Variants in METTL8 observed in about 807,000 individuals in gnomAD.
METTL8 encodes the protein methyltransferase 8, tRNA N3-cytidine, also known as tRNA N(3)-cytidine methyltransferase METTL8, mitochondrial.
In METTL8, 32 loss-of-function variants were observed where a neutral mutation model predicts 48.7. That is an observed-to-expected ratio of 0.66 (90% confidence interval 0.50 to 0.88). The LOEUF (loss-of-function observed/expected upper bound fraction) is 0.88. Ranked by LOEUF, METTL8 falls within the 40% of genes least tolerant of loss-of-function variation. The probability of loss-of-function intolerance (pLI) is 0.00; values close to 1 mark genes in which losing one functional copy is unlikely to be tolerated. For synonymous variants in METTL8, 136 were observed against 157.1 expected (o/e 0.87, Z 1.01); for missense variants, 464 against 474.4 (o/e 0.98, Z 0.20).
In METTL8 at chr2:171,317,245, A is replaced by G. The variant is rs866429073; in HGVS notation, c.*6927T>C. 2.0e-5 allele frequency among the ~76,000 whole-genome samples: 3 copies of G among 152,324 alleles called. No individual in the cohort carries two copies. Among genetic ancestry groups the G allele is most frequent in the African/African-American group, 7.2e-5 (3 of 41,570 alleles). ...GAAACAACCAACACTTGATATATAA[A>G]GGTTAACTGAGGAAAAAATTAATTT... On this transcript the variant is annotated 3_prime_UTR_variant, in exon 10 of 10. Transcript: ENST00000375258.
chr2:171,363,788 A>C (rs1024246729), intron 2 of METTL8, among the ~76,000 whole-genome samples: 5 of 112,064 alleles, frequency 4.5e-5, no homozygotes, highest in African/African-American at 1.4e-4. Context: ...TACATCCCCA[A>C]ATTTTATATA....
chr2:171,326,332 T>C, intron 7 of METTL8, 184 bp from the exon 8 acceptor site: 1 of 537,102 alleles, frequency 1.9e-6, no homozygotes, highest in South Asian at 2.9e-5. Context: ...ACCAACTTGC[T>C]AAATGACTAG....
At chr2:171,346,021 G>GT (rs905276265) in intron 3 of METTL8, among the ~76,000 whole-genome samples, 2 of 151,922 alleles carry the variant, frequency 1.3e-5, no homozygotes, top group African/African-American at 2.4e-5. Flanking sequence ...TGGATCTATA[G>GT]TTTTTTTGTT....
intron 3 of METTL8, among the ~76,000 whole-genome samples, chr2:171,353,790 T>C (rs1256802461): frequency 6.6e-6 from 1 of 152,210 alleles, no homozygotes; most frequent in Non-Finnish European, 1.5e-5. Flanking sequence ...ACCCCTGCTT[T>C]TTTTTGTTTT....
intron 1 of METTL8, among the ~76,000 whole-genome samples, chr2:171,416,335 T>TA: frequency 6.6e-6 from 1 of 152,290 alleles, no homozygotes; most frequent in East Asian, 1.9e-4. Flanking sequence ...ATCACAGGGA[T>TA]TCACCTTTGT....
chr2:171,330,647 A>G lies in METTL8; in HGVS notation c.772T>C (p.Cys258Arg), dbSNP rs1343756171. ...TQCFAFVHDV[C>R]DDGLPYPFPD... The stretch of plus-strand genomic sequence containing the variant: ...AAAGGGTAAGGTAAGCCATCATCAC[A>G]TACATCATGAACAAAGGCAAAACAC... The change falls in exon 7 of 10, where the codon TGT becomes CGT. Residue 258 changes from cysteine to arginine, a missense_variant. Transcript: ENST00000375258. 17 of 1,613,552 alleles carry G rather than the reference A, an allele frequency of 1.1e-5. No homozygotes were observed. Among genetic ancestry groups the G allele is most frequent in the African/African-American group, 1.3e-5 (1 of 74,924 alleles).
rs1209310087 is a variant in METTL8, at chr2:171,316,867, C to A, written c.*7305G>T. ...TTCAGGCAATTTTCAGTGCGAGTGC[C>A]AAATGCTGCTTAGGGGGATATGTCT... On this transcript the variant is annotated 3_prime_UTR_variant, in exon 10 of 10. Transcript: ENST00000375258. Among the ~76,000 whole-genome samples the A allele has an allele frequency of 6.6e-6, 1 of 152,174 alleles. No homozygotes were observed.
chr2:171,335,479 C>T (rs939753230), intron 5 of METTL8, among the ~76,000 whole-genome samples: 1 of 152,106 alleles, frequency 6.6e-6, no homozygotes. Context: ...GGCTGGAGTG[C>T]AGTAGTGCGA....
Position 171,361,296 on chromosome 2 carries a change from T to G in METTL8, c.144-783A>C, listed in dbSNP as rs551872919. Among the ~76,000 whole-genome samples, 3 of 152,162 alleles carry G rather than the reference T, an allele frequency of 2.0e-5. No individual in the cohort carries two copies. The East Asian group carries it at 5.8e-4, about 29-fold the overall frequency. ...AGGTTAGACTATAAGCAAAGCAATT[T>G]CCTGGAATAAACCAGGAATAATTTT... On this transcript the variant is annotated intron_variant, in intron 2 of 9. Coordinates refer to ENST00000375258, the MANE Select transcript of METTL8 (RefSeq NM_001321154.2).
In METTL8 at chr2:171,320,932, CTAGAAGTCAT is replaced by C. The variant is rs1321027213; in HGVS notation, c.*3230_*3239del. ...ATCTCAGATGGCTCCAGTTCAGAGACTAGAAGTCATACACCTGCTAGTCTAGGTTATCTAC... is the reference window on the plus strand; with the variant it reads ...ATCTCAGATGGCTCCAGTTCAGAGACACACCTGCTAGTCTAGGTTATCTAC... On this transcript the variant is annotated 3_prime_UTR_variant, in exon 10 of 10. Transcript: ENST00000375258. 1.3e-5 allele frequency: 2 copies of C among 152,200 alleles called. No homozygotes were observed. Among genetic ancestry groups the C allele is most frequent in the African/African-American group, 4.8e-5 (2 of 41,428 alleles). The allele number at this position is 152,200 out of a possible 1,614,324, so 9.4% of individuals were successfully genotyped here. A position where few individuals can be genotyped will look rare whatever the true frequency, so the allele number is the denominator to read the frequency against.
chr2:171,356,950 A>ATTTTTTTTTTTTT (rs1202277226), intron 3 of METTL8, among the ~76,000 whole-genome samples: 19 of 4,752 alleles, frequency 4.0e-3, no homozygotes, highest in African/African-American at 5.3e-3. Context: ...TTCAAAGACA[A>ATTTTTTTTTTTTT]TATTTTTTTT....
intron 1 of METTL8, among the ~76,000 whole-genome samples, chr2:171,421,584 C>T (rs1691885259): frequency 6.6e-6 from 1 of 152,136 alleles, no homozygotes; most frequent in Admixed American, 6.6e-5. Flanking sequence ...TAAAACTTCA[C>T]TGAGCCACTA....
At chr2:171,422,123 AC>A (rs753408364) in intron 1 of METTL8, among the ~76,000 whole-genome samples, 2 of 152,158 alleles carry the variant, frequency 1.3e-5, no homozygotes, top group African/African-American at 2.4e-5. Context: ...GTCACTTATC[AC>A]CCCAGGGACA....
At chr2:171,346,984 G>C (rs531980179) in intron 3 of METTL8, among the ~76,000 whole-genome samples, 1 of 152,204 alleles carries the variant, frequency 6.6e-6, no homozygotes, top group African/African-American at 2.4e-5. Flanking sequence ...CCTCCGGGTA[G>C]CCTCAGTTAT....
At chr2:171,425,729 G>T (rs967813999) in intron 1 of METTL8, among the ~76,000 whole-genome samples, 1 of 152,210 alleles carries the variant, frequency 6.6e-6, no homozygotes, top group Non-Finnish European at 1.5e-5. Flanking sequence ...AGAATTTGAG[G>T]TAATGAATGG....
chr2:171,430,086 G>A (rs903483315), intron 1 of METTL8, among the ~76,000 whole-genome samples: 22 of 151,592 alleles, frequency 1.5e-4, no homozygotes, highest in African/African-American at 4.1e-4. Flanking sequence ...GGCCAGGAAC[G>A]GTAGCTCATG....
At chr2:171,333,688 G>A (rs1685780425) in intron 5 of METTL8, among the ~76,000 whole-genome samples, 1 of 152,144 alleles carries the variant, frequency 6.6e-6, no homozygotes, top group Non-Finnish European at 1.5e-5. Flanking sequence ...TTTGCTGGGT[G>A]TTTGAAATGT....
At chr2:171,414,976 C>G (rs1197376425) in intron 1 of METTL8, among the ~76,000 whole-genome samples, 2 of 152,154 alleles carry the variant, frequency 1.3e-5, no homozygotes, top group African/African-American at 4.8e-5. Context: ...CTCACATTCT[C>G]TCTCTTGCCT....
rs1219995037 is a variant in METTL8 at position 171,324,202 on chromosome 2, A to G, written c.1194T>C (p.Asn398=). 1 of 1,549,630 alleles carries G rather than the reference A, an allele frequency of 6.5e-7. No homozygotes were observed. The highest frequency in any genetic ancestry group is 2.4e-5 in the East Asian group (1 of 40,856). The change falls in exon 10 of 10, where the codon AAT becomes AAC. Residue 398 remains asparagine, a synonymous_variant. Transcript: ENST00000375258. ...KPLHQTQNSS[N]MVSTLLSQD Reference sequence around the variant, plus strand: ...CTTGTGAAAGGAGTGTAGATACCATATTGGAGCTATTCTGAGTCTGGTGCA... The same window carrying G: ...CTTGTGAAAGGAGTGTAGATACCATGTTGGAGCTATTCTGAGTCTGGTGCA...
Sources: allele counts gnomAD v4.1 joint callset (sites outside exome capture counted in the v4.1 genomes callset), GRCh38; gene constraint gnomAD v4.1.1; transcripts MANE v1.5; gene names NCBI Gene and HGNC (gene_info 2026-07-23, HGNC 2026-07-21).